PIWIL1: variants seen among roughly 807,000 people sequenced by gnomAD.
PIWIL1 encodes piwi-like protein 1.
PIWIL1 carries 73 observed loss-of-function variants against 114.4 expected under a neutral mutation model. The ratio of observed to expected loss-of-function variants is 0.64; its 90% confidence interval spans 0.53 to 0.78. PIWIL1 has a LOEUF of 0.78. PIWIL1 is among the 30% of genes least tolerant of loss of function. The pLI is 0.00. For synonymous variants in PIWIL1, 375 were observed against 369.0 expected, an observed-to-expected ratio of 1.02 and a Z score of -0.19; for missense variants, 723 against 1,063.1, an observed-to-expected ratio of 0.68 and a Z score of 4.45.
Position 130,358,626 on chromosome 12 carries a change from G to GT in PIWIL1, c.1665+1075dup, listed in dbSNP as rs568325872. Among the ~76,000 whole-genome samples, 246 of 152,232 alleles carry GT rather than the reference G, an allele frequency of 1.6e-3. 1 individual carries two copies. The highest frequency in any genetic ancestry group is 3.4e-3 in the Admixed American group (52 of 15,308). ...AGCTCCTCAAACTCAGCGAGTCTGA[G>GT]TTAACTCTTCATTTTCCCAATCCCA... On this transcript the variant is annotated intron_variant, in intron 14 of 20. Transcript: ENST00000245255.
At chr12:130,375,141 C>A (rs1482482926), downstream of PIWIL1, among the ~76,000 whole-genome samples, 2 of 152,320 alleles carry the variant, frequency 1.3e-5, no homozygotes, top group Middle Eastern at 3.4e-3. Context: ...TTCCTCCTTG[C>A]AGATGGTAGC....
the PIWIL1 span, among the ~76,000 whole-genome samples, chr12:130,393,403 G>GGTCACTGTCATCACA: frequency 7.7e-6 from 1 of 130,254 alleles, no homozygotes; most frequent in Non-Finnish European, 1.8e-5. Context: ...CCGTCATCAC[G>GGTCACTGTCATCACA]TGGGTGCGTC....
the PIWIL1 span, among the ~76,000 whole-genome samples, chr12:130,388,558 T>C: frequency 6.6e-6 from 1 of 152,218 alleles, no homozygotes; most frequent in African/African-American, 2.4e-5. Flanking sequence ...AAACAATCTT[T>C]ACGATTTTAG....
chr12:130,343,496 C>T (rs74425158), intron 3 of PIWIL1, among the ~76,000 whole-genome samples: 6,470 of 151,952 alleles, frequency 0.043, 244 homozygotes, highest in South Asian at 0.19. Flanking sequence ...TTGCTTGTCA[C>T]GGTAAATGCT....
At chr12:130,403,839 AATATT>A in the PIWIL1 span, among the ~76,000 whole-genome samples, 4 of 152,220 alleles carry the variant, frequency 2.6e-5, no homozygotes, top group African/African-American at 9.6e-5. Context: ...GTGCCTTAAA[AATATT>A]ATATATGATG....
the PIWIL1 span, among the ~76,000 whole-genome samples, chr12:130,418,418 C>G: frequency 6.6e-6 from 1 of 152,162 alleles, no homozygotes; most frequent in African/African-American, 2.4e-5. Context: ...CTGTGCAGCC[C>G]CTGCTCACAC....
At chr12:130,347,973 C>G (rs1490321925) in intron 6 of PIWIL1, 130 bp from the exon 7 acceptor site, 1 of 580,658 alleles carries the variant, frequency 1.7e-6, no homozygotes, top group Non-Finnish European at 3.1e-6. Flanking sequence ...CCATAAAAAA[C>G]AGCAGGTAGG....
the PIWIL1 span, among the ~76,000 whole-genome samples, chr12:130,377,845 C>T: frequency 0.23 from 34,822 of 152,184 alleles, 4,864 homozygotes; most frequent in African/African-American, 0.39. Flanking sequence ...TTTGCTCGCT[C>T]TCACCTTCCA....
the PIWIL1 span, chr12:130,407,939 G>A: frequency 1.1e-6 from 1 of 916,508 alleles, no homozygotes; most frequent in African/African-American, 1.6e-5. Context: ...ACCTGGCACT[G>A]CTAACAGGGC....
chr12:130,410,474 T>C, the PIWIL1 span, among the ~76,000 whole-genome samples: 1 of 152,318 alleles, frequency 6.6e-6, no homozygotes, highest in East Asian at 1.9e-4. Context: ...TGTGTTTTCT[T>C]CTGGAAATAT....
chr12:130,372,978 C>G (rs933862073), downstream of PIWIL1, among the ~76,000 whole-genome samples: 1 of 152,198 alleles, frequency 6.6e-6, no homozygotes, highest in African/African-American at 2.4e-5. Context: ...GCAGATCACT[C>G]AAGTCATTTG....
intron 6 of PIWIL1, among the ~76,000 whole-genome samples, chr12:130,347,362 T>A (rs891552200): frequency 6.6e-6 from 1 of 152,160 alleles, no homozygotes; most frequent in Non-Finnish European, 1.5e-5. Context: ...CCACGGTGGG[T>A]CCTTGATCAG....
Position 130,351,708 on chromosome 12 carries a change from T to G in PIWIL1, c.1044+1741T>G, listed in dbSNP as rs144223128. ...CTCCGCACCTTCCCCTGCCTCCTAGTACTCTTTTGTCCGGTTCTGTCACTC... is the reference window on the plus strand; with the variant it reads ...CTCCGCACCTTCCCCTGCCTCCTAGGACTCTTTTGTCCGGTTCTGTCACTC... On this transcript the variant is annotated intron_variant, in intron 9 of 20. Coordinates refer to ENST00000245255, the MANE Select transcript of PIWIL1 (RefSeq NM_004764.5). 2.4e-3 allele frequency: 369 copies of G among 152,380 alleles called. 6 individuals carry two copies. The highest frequency in any genetic ancestry group is 0.018 in the South Asian group (89 of 4,826). The allele number at this position is 152,380 out of a possible 1,614,324, so 9.4% of individuals were successfully genotyped here.
At chr12:130,420,999 T>C in the PIWIL1 span, 18 of 152,244 alleles carry the variant, frequency 1.2e-4, no homozygotes, top group African/African-American at 4.3e-4. The surrounding 1 kb of genome is among the most constrained non-coding windows in gnomAD (Gnocchi z 4.3). Flanking sequence ...CTCATTAAAG[T>C]TACAGTCAAA....
the PIWIL1 span, chr12:130,383,400 C>G: frequency 6.6e-6 from 1 of 152,204 alleles, no homozygotes; most frequent in East Asian, 1.9e-4. Context: ...AGAGCCCCCA[C>G]TTGGATTTCC....
the PIWIL1 span, among the ~76,000 whole-genome samples, chr12:130,385,983 T>G: frequency 1.3e-5 from 2 of 152,190 alleles, no homozygotes; most frequent in African/African-American, 4.8e-5. Flanking sequence ...GTTTTTCAAA[T>G]GAAACTTTCT....
Position 130,361,509 on chromosome 12 carries a change from G to T in PIWIL1, c.1878G>T (p.Val626=). 6.2e-7 allele frequency: 1 copy of T among 1,614,194 alleles called. No homozygotes were observed. Among genetic ancestry groups the T allele is most frequent in the South Asian group, 1.1e-5 (1 of 91,078 alleles). The change falls in exon 16 of 21, where the codon GTG becomes GTT. Residue 626 remains valine (V), a synonymous_variant. Coordinates refer to ENST00000245255, the MANE Select transcript of PIWIL1 (RefSeq NM_004764.5). ...TATTTGTATTGAAGCTGAAGCTCGT[G>T]ATGATCGTTGGCATCGATTGTTACC... The part of the protein sequence containing the change: ...LWRVDIPLKL[V]MIVGIDCYHD...
chr12:130,363,019 T>C lies in PIWIL1; in HGVS notation c.2070T>C (p.Asn690=), dbSNP rs1434393915. 4 of 1,614,056 alleles carry C rather than the reference T, an allele frequency of 2.5e-6. No individual in the cohort carries two copies. Among genetic ancestry groups the C allele is most frequent in the African/African-American group, 2.7e-5 (2 of 74,932 alleles). Residue 690 remains asparagine (N), a synonymous_variant, in exon 18 of 21, where the codon AAT becomes AAC. Coordinates refer to ENST00000245255, the MANE Select transcript of PIWIL1 (RefSeq NM_004764.5). ...CTCTGAGGGCTTGGAATAGCTGCAATGAGTACATGCCCAGCCGGATCATCG... is the reference window on the plus strand; with the variant it reads ...CTCTGAGGGCTTGGAATAGCTGCAACGAGTACATGCCCAGCCGGATCATCG... The part of the protein sequence containing the change: ...QAALRAWNSC[N]EYMPSRIIVY...
the PIWIL1 span, among the ~76,000 whole-genome samples, chr12:130,420,483 A>G: frequency 6.6e-6 from 1 of 152,202 alleles, no homozygotes; most frequent in Non-Finnish European, 1.5e-5. This position sits in a 1 kb window ranked among gnomAD's most constrained non-coding sequence, Gnocchi z 4.3. Context: ...AGCCTTTGGA[A>G]TTCTACGGCT....
Sources: allele counts gnomAD v4.1 joint callset (sites outside exome capture counted in the v4.1 genomes callset), GRCh38; gene constraint gnomAD v4.1.1; non-coding constraint Gnocchi (gnomAD v3.1); transcripts MANE v1.5; gene names NCBI Gene and HGNC (gene_info 2026-07-23, HGNC 2026-07-21).